The following FHIT variants were observed in gnomAD, a reference collection of about 807,000 sequenced individuals.
The protein encoded by FHIT is bis(5'-adenosyl)-triphosphatase.
A neutral mutation model predicts 17.9 loss-of-function variants in FHIT; 19 were observed. The ratio of observed to expected loss-of-function variants is 1.06; its 90% CI spans 0.74 to 1.56. The LOEUF is 1.56. Among genes scored for constraint, FHIT ranks in the 40% most tolerant of loss-of-function variants. The pLI is 0.00. For synonymous variants in FHIT, 81 were observed against 69.7 expected (o/e 1.16, Z -0.81); for missense variants, 248 against 189.2 (o/e 1.31, Z -1.82).
intron 5 of FHIT, among the ~76,000 whole-genome samples, chr3:60,421,098 G>C (rs1033764959): frequency 6.7e-6 from 1 of 149,728 alleles, no homozygotes; most frequent in Non-Finnish European, 1.5e-5. Flanking sequence ...GAGATGGCTA[G>C]AAAAACTGCT....
chr3:60,787,195 A>G (rs1553727225), intron 4 of FHIT, among the ~76,000 whole-genome samples: 1 of 152,202 alleles, frequency 6.6e-6, no homozygotes, highest in Non-Finnish European at 1.5e-5. Flanking sequence ...ATCATATTAG[A>G]AAAAATATAT....
intron 4 of FHIT, among the ~76,000 whole-genome samples, chr3:60,554,985 C>A (rs911421638): frequency 6.6e-6 from 1 of 152,148 alleles, no homozygotes; most frequent in East Asian, 1.9e-4. Context: ...CCATATTCTT[C>A]TAATATCTAA....
At chr3:60,304,579 CATAAAATAGAGTTTTTAG>C (rs991884339) in intron 5 of FHIT, among the ~76,000 whole-genome samples, 12 of 152,034 alleles carry the variant, frequency 7.9e-5, no homozygotes, top group Non-Finnish European at 1.2e-4. Context: ...CTTTTATCAT[CATAAAATAGAGTTTTTAG>C]ATAAAACATA....
At chr3:60,859,931 C>A (rs1703568555) in intron 3 of FHIT, among the ~76,000 whole-genome samples, 1 of 149,882 alleles carries the variant, frequency 6.7e-6, no homozygotes, top group Admixed American at 6.7e-5. Flanking sequence ...GTAATCCCAG[C>A]TACTGGGGAG....
chr3:61,177,465 GT>G (rs2107155373), intron 2 of FHIT, among the ~76,000 whole-genome samples: 1 of 152,256 alleles, frequency 6.6e-6, no homozygotes, highest in South Asian at 2.1e-4. Context: ...GGAGAGGGTA[GT>G]AAAAAGTTAC....
At chr3:60,530,020 C>A (rs762570615) in intron 5 of FHIT, among the ~76,000 whole-genome samples, 12 of 152,102 alleles carry the variant, frequency 7.9e-5, no homozygotes, top group Non-Finnish European at 1.6e-4. Flanking sequence ...AAGTCCTAAT[C>A]AAAATGACAG....
chr3:60,955,612 A>ATATACATATATATATATACATGTATGTG (rs1559862310), intron 3 of FHIT, among the ~76,000 whole-genome samples: 1 of 9,752 alleles, frequency 1.0e-4, no homozygotes, highest in Non-Finnish European at 3.9e-4. Context: ...ATATATATAT[A>ATATACATATATATATATACATGTATGTG]TATATATATA....
intron 5 of FHIT, among the ~76,000 whole-genome samples, chr3:60,086,361 A>T (rs1357636825): frequency 2.6e-5 from 4 of 152,152 alleles, no homozygotes; most frequent in African/African-American, 9.7e-5. Flanking sequence ...AAACCATAGC[A>T]TTCCACTCCT....
chr3:60,574,798 G>A (rs1265903718), intron 4 of FHIT, among the ~76,000 whole-genome samples: 2 of 151,814 alleles, frequency 1.3e-5, no homozygotes, highest in Non-Finnish European at 2.9e-5. Context: ...CGCTTGCCAG[G>A]GTAAGAAAAT....
At chr3:61,011,746 G>C (rs1178021475) in intron 3 of FHIT, among the ~76,000 whole-genome samples, 1 of 152,076 alleles carries the variant, frequency 6.6e-6, no homozygotes, top group Non-Finnish European at 1.5e-5. Flanking sequence ...AGAATACATT[G>C]CTCCTGAGAA....
Position 60,819,410 on chromosome 3 carries a change from T to C in FHIT, c.-18+2509A>G, listed in dbSNP as rs543922430. Among the ~76,000 whole-genome samples the C allele has an allele frequency of 1.4e-4, 22 of 152,222 alleles. 1 individual carries two copies. Among genetic ancestry groups the C allele is most frequent in the Admixed American group, 1.4e-3 (22 of 15,280 alleles). On this transcript the variant is annotated intron_variant, in intron 4 of 9. Transcript: ENST00000492590. ...TTTAATCTCAAAGCAATGAGGCTTA[T>C]ACAGAATCATGACTACCAGTGATTA...
chr3:60,880,942 C>T (rs1180021459), intron 3 of FHIT, among the ~76,000 whole-genome samples: 2 of 152,108 alleles, frequency 1.3e-5, no homozygotes, highest in Non-Finnish European at 2.9e-5. Flanking sequence ...CAATAATAAC[C>T]TTGAATGTTA....
intron 8 of FHIT, among the ~76,000 whole-genome samples, chr3:59,806,558 A>G (rs1417689713): frequency 6.6e-6 from 1 of 151,882 alleles, no homozygotes; most frequent in African/African-American, 2.4e-5. Flanking sequence ...ACTCTCTCCT[A>G]CCATCCACAG....
At position 59,880,380 on chromosome 3, in the gene FHIT, A is replaced by G. The variant is rs557955083; in HGVS notation, c.348+41966T>C. ...CTTCGGTTTCAAAGTAGCCTCTACT[A>G]CCACCCCTTTGGTCTCTATCAGCTT... On this transcript the variant is annotated intron_variant, in intron 8 of 9. Transcript: ENST00000492590. Among the ~76,000 whole-genome samples, 3 of 152,228 alleles carry G rather than the reference A, an allele frequency of 2.0e-5. 1 individual carries two copies. The East Asian group carries it at 5.8e-4, about 29-fold the overall frequency.
intron 5 of FHIT, among the ~76,000 whole-genome samples, chr3:60,413,029 A>T (rs772648433): frequency 1.4e-4 from 21 of 152,250 alleles, no homozygotes; most frequent in African/African-American, 4.8e-4. Flanking sequence ...CTTTTTCTTT[A>T]CAGATTACAC....
intron 5 of FHIT, among the ~76,000 whole-genome samples, chr3:60,366,635 G>A (rs1332029372): frequency 6.6e-6 from 1 of 152,142 alleles, no homozygotes; most frequent in Admixed American, 6.5e-5. Flanking sequence ...ATAAAAGCAA[G>A]CTTTCTCTCA....
At chr3:60,658,976 T>A (rs1313634392) in intron 4 of FHIT, among the ~76,000 whole-genome samples, 1 of 151,318 alleles carries the variant, frequency 6.6e-6, no homozygotes, top group African/African-American at 2.4e-5. Flanking sequence ...TTTTTTTTTT[T>A]AATATGAGAA....
Position 60,902,934 on chromosome 3 carries a change from C to T in FHIT, c.-110-80923G>A, listed in dbSNP as rs370201033. Among the ~76,000 whole-genome samples, 19 of 152,232 alleles carry T rather than the reference C, an allele frequency of 1.2e-4. No homozygotes were observed. The East Asian group carries it at 1.9e-3, about 15-fold the overall frequency. On this transcript the variant is annotated intron_variant, in intron 3 of 9. Coordinates refer to ENST00000492590, the MANE Select transcript of FHIT (RefSeq NM_002012.4). ...TTACAAGAGAGTCTTGGAAACAAGA[C>T]ACAAAAAATGGTTTTGACATCAGAC...
chr3:60,625,532 T>A (rs2107761510), intron 4 of FHIT, among the ~76,000 whole-genome samples: 1 of 152,354 alleles, frequency 6.6e-6, no homozygotes, highest in African/African-American at 2.4e-5. Flanking sequence ...TATCTTTTTA[T>A]GGGCTTATTG....
Sources: gnomAD v4.1 joint callset for allele counts (sites outside exome capture counted in the v4.1 genomes callset) on GRCh38, gnomAD v4.1.1 for gene constraint, MANE v1.5 for transcripts, NCBI Gene and HGNC (gene_info 2026-07-23, HGNC 2026-07-21) for gene names.